The following DACH1 variants were observed in gnomAD, a reference collection of about 807,000 sequenced individuals.
The protein encoded by DACH1 is dachshund family transcription factor 1.
In DACH1, 12 loss-of-function variants were observed where a neutral mutation model predicts 54.2. The ratio of observed to expected loss-of-function variants is 0.22; its 90% CI spans 0.14 to 0.36. The LOEUF is 0.36. Ranked by LOEUF, DACH1 falls within the 10% of genes least tolerant of loss-of-function variation. The probability of loss-of-function intolerance (pLI) is 1.00; values close to 1 mark genes in which losing one functional copy is unlikely to be tolerated. For missense variants in DACH1, 805 were observed against 929.8 expected (o/e 0.87, Z 1.75); for synonymous variants, 386 against 366.2 (o/e 1.05, Z -0.62).
chr13:71,780,559 A>G (rs1276120738), intron 1 of DACH1, among the ~76,000 whole-genome samples: 3 of 151,320 alleles, frequency 2.0e-5, no homozygotes, highest in Non-Finnish European at 2.9e-5. Flanking sequence ...TTGAAAATCT[A>G]CTCTTGAACC....
intron 1 of DACH1, among the ~76,000 whole-genome samples, chr13:71,703,265 C>T (rs1882250719): frequency 6.6e-6 from 1 of 151,898 alleles, no homozygotes; most frequent in Admixed American, 6.5e-5. Flanking sequence ...GAAGGTTTTC[C>T]TCCTTTTTTA....
At chr13:71,489,960 TCA>T (rs1340555964) in intron 6 of DACH1, among the ~76,000 whole-genome samples, 1 of 152,170 alleles carries the variant, frequency 6.6e-6, no homozygotes, top group Non-Finnish European at 1.5e-5. Flanking sequence ...TTTTCACCTC[TCA>T]CAGTGAAATC....
rs773039866 is a variant in DACH1 at position 71,542,262 on chromosome 13, A to C, written c.1570+14762T>G. Among the ~76,000 whole-genome samples, 7 of 152,102 alleles carry C rather than the reference A, an allele frequency of 4.6e-5. No individual in the cohort carries two copies. In the East Asian group the frequency reaches 1.2e-3, roughly 25 times the overall value. On this transcript the variant is annotated intron_variant, in intron 6 of 10. Coordinates refer to ENST00000613252, the MANE Select transcript of DACH1 (RefSeq NM_080759.6). The stretch of plus-strand genomic sequence containing the variant: ...AAACTCCGTCTCAAATAAATAAATA[A>C]ATACATACATAGATACATACATACA...
At chr13:71,864,180 TACACACACACAC>T (rs55651625) in intron 1 of DACH1, among the ~76,000 whole-genome samples, 1 of 108,426 alleles carries the variant, frequency 9.2e-6, no homozygotes, top group Admixed American at 9.5e-5. Flanking sequence ...CGCGCGCACA[TACACACACACAC>T]ACACACACAC....
chr13:71,462,635 C>G (rs550396947), intron 10 of DACH1, among the ~76,000 whole-genome samples: 4 of 151,958 alleles, frequency 2.6e-5, no homozygotes, highest in Non-Finnish European at 5.9e-5. Context: ...ATAGCAAAAT[C>G]TTTTCAACAC....
intron 1 of DACH1, among the ~76,000 whole-genome samples, chr13:71,831,677 G>A (rs1345040589): frequency 1.3e-5 from 2 of 151,954 alleles, no homozygotes; most frequent in Non-Finnish European, 2.9e-5. Flanking sequence ...GCTCCCAAAT[G>A]TTCAGTTTAA....
intron 6 of DACH1, among the ~76,000 whole-genome samples, chr13:71,505,286 T>C (rs1880221823): frequency 1.3e-5 from 2 of 152,160 alleles, no homozygotes; most frequent in Admixed American, 1.3e-4. Context: ...TTTCCTCATG[T>C]CGTCCAGGAT....
intron 6 of DACH1, among the ~76,000 whole-genome samples, chr13:71,554,240 C>T (rs1884093087): frequency 6.6e-6 from 1 of 151,918 alleles, no homozygotes; most frequent in African/African-American, 2.4e-5. Context: ...AAAGAAGGTA[C>T]ACACAAGAGA....
At chr13:71,827,975 G>C (rs1888443175) in intron 1 of DACH1, among the ~76,000 whole-genome samples, 1 of 151,966 alleles carries the variant, frequency 6.6e-6, no homozygotes, top group East Asian at 1.9e-4. Flanking sequence ...TTTACCTGAG[G>C]TTATCTGTAA....
At position 71,449,841 on chromosome 13, in the gene DACH1, A is replaced by G. The variant is rs114163237; in HGVS notation, c.2084-9149T>C. The stretch of plus-strand genomic sequence containing the variant: ...CTTCAAATAAGAAAGTACATGAGAG[A>G]ACACAGGTTAGTTGAAAACATGTTC... On this transcript the variant is annotated intron_variant, in intron 10 of 10. Coordinates refer to ENST00000613252, the MANE Select transcript of DACH1 (RefSeq NM_080759.6). 5.8e-3 allele frequency among the ~76,000 whole-genome samples: 868 copies of G among 149,298 alleles called. 10 individuals carry two copies. Among genetic ancestry groups the G allele is most frequent in the African/African-American group, 0.02 (819 of 40,734 alleles).
intron 2 of DACH1, chr13:71,675,085 G>A (rs1360425419): frequency 9.1e-6 from 14 of 1,539,562 alleles, no homozygotes; most frequent in Non-Finnish European, 1.3e-5. Flanking sequence ...AAAGCAGACT[G>A]CCCGCAAATC....
At chr13:71,637,507 G>T (rs1199075659) in intron 2 of DACH1, among the ~76,000 whole-genome samples, 1 of 152,082 alleles carries the variant, frequency 6.6e-6, no homozygotes, top group Non-Finnish European at 1.5e-5. Flanking sequence ...ATTGGATTTG[G>T]CTCTCTACAT....
chr13:71,856,699 T>G (rs1037558916), intron 1 of DACH1, among the ~76,000 whole-genome samples: 3 of 151,928 alleles, frequency 2.0e-5, no homozygotes, highest in African/African-American at 7.2e-5. Context: ...CTTTCTATGT[T>G]GCAAAAAATG....
intron 1 of DACH1, among the ~76,000 whole-genome samples, chr13:71,815,009 G>A (rs549240321): frequency 2.6e-4 from 40 of 152,292 alleles, no homozygotes; most frequent in Non-Finnish European, 5.1e-4. Flanking sequence ...AACGGGTGGG[G>A]AGGTCTGTAG....
intron 1 of DACH1, among the ~76,000 whole-genome samples, chr13:71,717,337 A>G (rs2138792851): frequency 6.6e-6 from 1 of 152,290 alleles, no homozygotes; most frequent in East Asian, 1.9e-4. Context: ...CAGTAAGTAA[A>G]TAAATTAACA....
At chr13:71,505,506 T>G (rs1440796791) in intron 6 of DACH1, among the ~76,000 whole-genome samples, 2 of 152,062 alleles carry the variant, frequency 1.3e-5, no homozygotes, top group East Asian at 3.8e-4. Context: ...GTGTGTGTGT[T>G]TGTGTGTGTA....
At chr13:71,642,460 T>C (rs1036824818) in intron 2 of DACH1, among the ~76,000 whole-genome samples, 10 of 152,214 alleles carry the variant, frequency 6.6e-5, no homozygotes, top group African/African-American at 2.2e-4. Flanking sequence ...GTATATCTCT[T>C]CTGTAGCAAT....
chr13:71,744,347 T>G (rs1884520586), intron 1 of DACH1, among the ~76,000 whole-genome samples: 1 of 152,200 alleles, frequency 6.6e-6, no homozygotes. Context: ...GGTTAGCTTA[T>G]GCCTGATACG....
intron 6 of DACH1, among the ~76,000 whole-genome samples, 177 bp from the exon 7 acceptor site, chr13:71,489,325 G>A (rs538868963): frequency 1.3e-5 from 2 of 152,256 alleles, no homozygotes; most frequent in African/African-American, 2.4e-5. Flanking sequence ...GATACAACAA[G>A]ATAACATTAA....
Sources: gnomAD v4.1 joint callset for allele counts (sites outside exome capture counted in the v4.1 genomes callset) on GRCh38, gnomAD v4.1.1 for gene constraint, MANE v1.5 for transcripts, NCBI Gene and HGNC (gene_info 2026-07-23, HGNC 2026-07-21) for gene names.